DOCK10: variants seen among roughly 807,000 people sequenced by gnomAD.
DOCK10 encodes the protein dedicator of cytokinesis 10, also known as dedicator of cytokinesis protein 10.
In DOCK10, 145 loss-of-function variants were observed where a neutral mutation model predicts 280.1. The ratio of observed to expected loss-of-function variants is 0.52; its 90% confidence interval spans 0.45 to 0.59. The LOEUF is 0.59. Ranked by LOEUF, DOCK10 falls within the 20% of genes least tolerant of loss-of-function variation. The pLI, the probability that DOCK10 is intolerant of heterozygous loss-of-function variation, is 0.00. For missense variants in DOCK10, 2,368 were observed against 2,651.7 expected (o/e 0.89, Z 2.35); for synonymous variants, 915 against 942.2 (o/e 0.97, Z 0.53).
At chr2:224,955,860 G>C (rs1469801861) in intron 1 of DOCK10, among the ~76,000 whole-genome samples, 1 of 152,224 alleles carries the variant, frequency 6.6e-6, no homozygotes, top group Non-Finnish European at 1.5e-5. Context: ...TGAAATAGCA[G>C]AGAAACAAGA....
intron 1 of DOCK10, among the ~76,000 whole-genome samples, chr2:224,934,682 A>G (rs1702587157): frequency 6.6e-6 from 1 of 152,244 alleles, no homozygotes; most frequent in Admixed American, 6.5e-5. Flanking sequence ...TTGCAGAGAC[A>G]TTGAGTGAAA....
intron 47 of DOCK10, among the ~76,000 whole-genome samples, chr2:224,789,647 G>T (rs1412146773): frequency 6.6e-6 from 1 of 152,156 alleles, no homozygotes; most frequent in African/African-American, 2.4e-5. Context: ...GGCTGAGACA[G>T]GAGGATTGCT....
intron 3 of DOCK10, among the ~76,000 whole-genome samples, chr2:224,914,827 GA>G (rs1371535724): frequency 2.6e-5 from 4 of 152,082 alleles, no homozygotes; most frequent in African/African-American, 9.6e-5. Flanking sequence ...TAGAAAAGAA[GA>G]AAATTTTACT....
At chr2:224,914,014 G>A in intron 3 of DOCK10, among the ~76,000 whole-genome samples, 1 of 152,186 alleles carries the variant, frequency 6.6e-6, no homozygotes, top group Non-Finnish European at 1.5e-5. Flanking sequence ...TGGGATTACA[G>A]GCATGAGCCA....
chr2:224,808,164 A>C, intron 31 of DOCK10, 78 bp from the exon 32 acceptor site: 1 of 1,263,174 alleles, frequency 7.9e-7, no homozygotes, highest in Non-Finnish European at 1.1e-6. Context: ...ATACCAAACA[A>C]CTACCATCAA....
intron 2 of DOCK10, among the ~76,000 whole-genome samples, chr2:224,921,104 A>T (rs1214874425): frequency 0.13 from 6,423 of 49,666 alleles, 452 homozygotes; most frequent in Non-Finnish European, 0.16. Context: ...AAAAAAAAAA[A>T]AAAAAAAAAT....
chr2:224,933,789 T>G (rs910260849), intron 1 of DOCK10, among the ~76,000 whole-genome samples: 1 of 152,218 alleles, frequency 6.6e-6, no homozygotes, highest in South Asian at 2.1e-4. Context: ...GTGGTTTTAG[T>G]GTATATTGTA....
At chr2:224,835,278 G>GC (rs2125422893) in intron 25 of DOCK10, among the ~76,000 whole-genome samples, 1 of 152,352 alleles carries the variant, frequency 6.6e-6, no homozygotes, top group Non-Finnish European at 1.5e-5. Context: ...ATGAGCTCAT[G>GC]CCATGCACAG....
chr2:224,775,249 A>G, intron 51 of DOCK10, 134 bp from the exon 52 acceptor site: 1 of 768,068 alleles, frequency 1.3e-6, no homozygotes, highest in Non-Finnish European at 2.2e-6. Flanking sequence ...CAGTCACATC[A>G]TTTCAGAGCT....
chr2:224,894,409 G>A (rs931156097), intron 4 of DOCK10, among the ~76,000 whole-genome samples: 1 of 152,230 alleles, frequency 6.6e-6, no homozygotes, highest in Non-Finnish European at 1.5e-5. Context: ...AACACATTTA[G>A]TTAAAAGGAT....
intron 4 of DOCK10, 44 bp downstream of exon 4, chr2:224,896,251 C>A: frequency 8.7e-7 from 1 of 1,150,242 alleles, no homozygotes; most frequent in Non-Finnish European, 1.3e-6. Flanking sequence ...AGGATGTCAT[C>A]TATATTTGGA....
Position 224,819,462 on chromosome 2 carries a change from G to A in DOCK10, c.3251C>T (p.Ser1084Phe). 2 of 1,608,786 alleles carry A rather than the reference G, an allele frequency of 1.2e-6. No homozygotes were observed. Among genetic ancestry groups the A allele is most frequent in the South Asian group, 2.2e-5 (2 of 90,190 alleles). Residue 1084 changes from serine to phenylalanine, a missense_variant, in exon 29 of 56, where the codon TCC (serine) becomes TTC (phenylalanine). Around this residue, in one of 2 missense-constraint regions of DOCK10, gnomAD observed 1,159 missense variants for 1,400.8 expected, o/e 0.83. Coordinates refer to ENST00000258390, the MANE Select transcript of DOCK10 (RefSeq NM_014689.3). ...GGTTCTTACCTTAAGGTCACCGGAG[G>A]AGAACATGCTGATGTAATTGTTGAC... ...KMVNNYISMF[S>F]SGDLKTLCQY...
At position 224,807,743 on chromosome 2, in the gene DOCK10, G is replaced by T. The variant is rs12328236; in HGVS notation, c.3627C>A (p.Tyr1209Ter). 2.5e-6 allele frequency: 4 copies of T among 1,572,116 alleles called. 1 individual carries two copies. In the South Asian group the frequency reaches 4.7e-5, roughly 18 times the overall value. Residue 1209 changes from tyrosine to a stop codon, truncating the protein, a stop_gained, in exon 33 of 56, where the codon TAC (tyrosine) becomes TAA (stop). Transcript: ENST00000258390. LOFTEE classifies it high-confidence loss of function. ...AQIASLYMPL[Y>*]GMLLDNMPRI... ...TTGGCATATTGTCCAGGAGCATGCC[G>T]TACAGGGGCATGTATAAACTTGCTA...
intron 1 of DOCK10, among the ~76,000 whole-genome samples, chr2:224,948,105 G>A (rs1439186706): frequency 2.0e-5 from 3 of 152,140 alleles, no homozygotes; most frequent in Non-Finnish European, 4.4e-5. Flanking sequence ...GGAGGCCACA[G>A]GACTAGGCTG....
At position 224,765,276 on chromosome 2, in the gene DOCK10, A is replaced by G. The variant is rs1276498243; in HGVS notation, c.*445T>C. 6.5e-6 allele frequency: 1 copy of G among 153,100 alleles called. No homozygotes were observed. Among genetic ancestry groups the G allele is most frequent in the African/African-American group, 2.4e-5 (1 of 41,470 alleles). The allele number at this position is 153,100 out of a possible 1,614,324, so 9.5% of individuals were successfully genotyped here. On this transcript the variant is annotated 3_prime_UTR_variant, in exon 56 of 56. Transcript: ENST00000258390. ...TATAATGGTATCTGAAATGTTATTC[A>G]TATATTTTTAGTACTGTCATAGTAT...
chr2:224,997,475 G>C (rs1040928060), intron 1 of DOCK10, among the ~76,000 whole-genome samples: 2 of 151,924 alleles, frequency 1.3e-5, no homozygotes, highest in East Asian at 3.9e-4. Flanking sequence ...CAGGTGATCC[G>C]CCCACCTCAG....
intron 1 of DOCK10, among the ~76,000 whole-genome samples, chr2:224,952,750 G>A (rs965185412): frequency 8.6e-5 from 13 of 151,502 alleles, no homozygotes; most frequent in East Asian, 1.9e-4. Flanking sequence ...CCGCCACTAC[G>A]CCCGGCTAAT....
intron 55 of DOCK10, among the ~76,000 whole-genome samples, chr2:224,769,515 A>G (rs746110530): frequency 1.3e-5 from 2 of 152,212 alleles, no homozygotes; most frequent in African/African-American, 4.8e-5. Context: ...ACGGGTGATG[A>G]GATGTCCAGG....
intron 17 of DOCK10, 41 bp downstream of exon 17, chr2:224,852,894 G>T: frequency 6.8e-7 from 1 of 1,477,490 alleles, no homozygotes; most frequent in South Asian, 1.4e-5. Context: ...GTCTAAATAC[G>T]GTGAAAAGAA....
Sources: gnomAD v4.1 joint callset for allele counts (sites outside exome capture counted in the v4.1 genomes callset) on GRCh38, gnomAD v4.1.1 for gene constraint, gnomAD v4.1.1 regional missense constraint, MANE v1.5 for transcripts, NCBI Gene and HGNC (gene_info 2026-07-23, HGNC 2026-07-21) for gene names.